The following ARFGEF1 variants were observed in gnomAD, a reference collection of about 807,000 sequenced individuals.
ARFGEF1 encodes the protein ARF guanine nucleotide exchange factor 1.
ARFGEF1 carries 42 observed loss-of-function variants against 231.0 expected under a neutral mutation model. That is an observed-to-expected ratio of 0.18 (90% CI 0.14 to 0.24). The LOEUF (loss-of-function observed/expected upper bound fraction) is 0.24. Among genes scored for constraint, ARFGEF1 ranks in the 10% least tolerant of loss-of-function variants. The pLI is 1.00. For missense variants in ARFGEF1, 1,345 were observed against 2,192.0 expected (o/e 0.61, Z 7.72); for synonymous variants, 710 against 732.3 (o/e 0.97, Z 0.49).
At chr8:67,250,073 G>A (rs1248660883) in intron 19 of ARFGEF1, among the ~76,000 whole-genome samples, 2 of 152,192 alleles carry the variant, frequency 1.3e-5, no homozygotes, top group African/African-American at 4.8e-5. Context: ...AGCATAGTAA[G>A]AAACAGAAGA....
At chr8:67,244,257 A>AC (rs1587122492) in intron 19 of ARFGEF1, among the ~76,000 whole-genome samples, 3 of 30,576 alleles carry the variant, frequency 9.8e-5, no homozygotes, top group African/African-American at 6.0e-4. Context: ...AAAAAAAAAA[A>AC]AAAAAAAAAA....
chr8:67,250,815 G>A (rs1312105304), intron 19 of ARFGEF1, among the ~76,000 whole-genome samples: 1 of 152,168 alleles, frequency 6.6e-6, no homozygotes, highest in African/African-American at 2.4e-5. Context: ...AAATTTTAAA[G>A]AATAAGTATC....
Position 67,211,569 on chromosome 8 carries a change from G to T in ARFGEF1, c.4733C>A (p.Pro1578Gln). The T allele has an allele frequency of 6.4e-7, 1 of 1,566,398 alleles. No individual in the cohort carries two copies. The highest frequency in any genetic ancestry group is 8.7e-7 in the Non-Finnish European group (1 of 1,153,850). The stretch of plus-strand genomic sequence containing the variant: ...TTGTGGTCTGTTATCCACAGACCTT[G>T]GTTGAATAGAATCATGAATATCTAC... Reference protein sequence around the residue: ...KSVDIHDSIQPRSVDNRPQAP... With the variant: ...KSVDIHDSIQQRSVDNRPQAP... Residue 1578 changes from proline to glutamine, a missense_variant, in exon 34 of 39, where the codon CCA becomes CAA. By Grantham distance (76) the Pro-to-Gln change is moderately conservative. Around this residue, in one of 14 missense-constraint regions of ARFGEF1, gnomAD observed 89 missense variants for 74.8 expected, o/e 1.19. Transcript: ENST00000262215.
intron 5 of ARFGEF1, among the ~76,000 whole-genome samples, chr8:67,181,030 G>T (rs1331259184): frequency 2.0e-5 from 3 of 147,628 alleles, no homozygotes; most frequent in Admixed American, 6.8e-5. Context: ...TCTCTTAATG[G>T]TTTTTTTTTT....
chr8:67,199,492 C>A (rs1838238068), intron 38 of ARFGEF1: 4 of 188,684 alleles, frequency 2.1e-5, no homozygotes, highest in South Asian at 1.1e-4. Flanking sequence ...CCCAACACTG[C>A]AATATAAAAT....
In ARFGEF1 at chr8:67,197,921, A is replaced by C. The variant is rs1838146488; in HGVS notation, c.*1013T>G. ...ATTTCCAGTAAATCTAACCTCCGCA[A>C]ACCATGCCAGATTTGTTATTTTAAT... is the stretch of plus-strand genomic sequence containing the variant. On this transcript the variant is annotated 3_prime_UTR_variant, in exon 39 of 39. Transcript: ENST00000262215. 1.0e-6 allele frequency: 1 copy of C among 985,754 alleles called. No homozygotes were observed. Among genetic ancestry groups the C allele is most frequent in the South Asian group, 4.7e-5 (1 of 21,292 alleles). 61.1% of individuals were successfully genotyped at this position (985,754 alleles called of 1,614,324 possible). A position where few individuals can be genotyped will look rare whatever the true frequency, so the allele number is the denominator to read the frequency against.
chr8:67,199,664 CATATT>C (rs953110024), intron 38 of ARFGEF1: 2 of 153,968 alleles, frequency 1.3e-5, no homozygotes, highest in Non-Finnish European at 2.9e-5. Flanking sequence ...AGCAGTGAGA[CATATT>C]ATGACCAAAA....
chr8:67,211,721 A>G, intron 33 of ARFGEF1, 106 bp from the exon 34 acceptor site: 1 of 636,452 alleles, frequency 1.6e-6, no homozygotes. Flanking sequence ...CCCTATGAAA[A>G]TGATGTTTTA....
intron 7 of ARFGEF1, 140 bp from the exon 8 acceptor site, chr8:67,277,597 G>A (rs985981656): frequency 2.5e-5 from 18 of 713,562 alleles, no homozygotes; most frequent in South Asian, 2.4e-4. Context: ...TTAAAGGTTA[G>A]CATACTTACT....
In ARFGEF1 at chr8:67,296,619, A is replaced by C. The variant is rs1806243837; in HGVS notation, c.460-9T>G. On this transcript the variant is annotated splice_polypyrimidine_tract_variant and intron_variant, in intron 4 of 38. Transcript: ENST00000262215. ...ACTGCAGTAAGTAAAGCCTTTAAGA[A>C]AAAAAAAGGAAAAAGTTAAAGAGAT... 1.9e-6 allele frequency: 3 copies of C among 1,564,244 alleles called. No individual in the cohort carries two copies. The highest frequency in any genetic ancestry group is 1.4e-5 in the African/African-American group (1 of 72,088).
intron 9 of ARFGEF1, among the ~76,000 whole-genome samples, chr8:67,273,419 CAAAAAAAAA>C (rs58580002): frequency 1.2e-4 from 7 of 56,614 alleles, no homozygotes; most frequent in East Asian, 5.8e-4. Context: ...TTTTTTTTCC[CAAAAAAAAA>C]AAAAAAAAAA....
At chr8:67,278,178 A>G (rs1236225234) in intron 7 of ARFGEF1, among the ~76,000 whole-genome samples, 2 of 152,218 alleles carry the variant, frequency 1.3e-5, no homozygotes, top group African/African-American at 4.8e-5. Flanking sequence ...CATGCTACCA[A>G]TTGAAAGAAA....
At chr8:67,318,564 T>C (rs183681963) in intron 1 of ARFGEF1, among the ~76,000 whole-genome samples, 6 of 152,236 alleles carry the variant, frequency 3.9e-5, no homozygotes, top group Non-Finnish European at 4.4e-5. Flanking sequence ...CCAAGAAATC[T>C]TGAAGAAGAA....
rs549432844 is a variant in ARFGEF1 at position 67,208,379 on chromosome 8, C to A, written c.4819+3104G>T. Among the ~76,000 whole-genome samples, 17 of 152,154 alleles carry A rather than the reference C, an allele frequency of 1.1e-4. 1 individual carries two copies. The highest frequency in any genetic ancestry group is 9.8e-4 in the Admixed American group (15 of 15,308). On this transcript the variant is annotated intron_variant, in intron 34 of 38. Transcript: ENST00000262215. ...GGCACAGTGGCTCACGCCTTTAATCCCAGCACTTTGGGAGGCCAGGCAGGT... is the reference window on the plus strand; with the variant it reads ...GGCACAGTGGCTCACGCCTTTAATCACAGCACTTTGGGAGGCCAGGCAGGT...
At chr8:67,292,670 T>C (rs1176940490) in intron 5 of ARFGEF1, among the ~76,000 whole-genome samples, 1 of 152,130 alleles carries the variant, frequency 6.6e-6, no homozygotes, top group Non-Finnish European at 1.5e-5. Flanking sequence ...AAAAACTATA[T>C]CTACAAATGT....
At chr8:67,270,205 G>A (rs1405907387) in intron 10 of ARFGEF1, among the ~76,000 whole-genome samples, 1 of 152,094 alleles carries the variant, frequency 6.6e-6, no homozygotes, top group Non-Finnish European at 1.5e-5. Context: ...TATCTTAACA[G>A]ACATATGGCA....
At chr8:67,272,086 AG>A in intron 9 of ARFGEF1, 150 bp from the exon 10 acceptor site, 2 of 597,854 alleles carry the variant, frequency 3.3e-6, no homozygotes, top group South Asian at 4.4e-5. Context: ...ACATAAAAAA[AG>A]TACAGTACAT....
At chr8:67,200,335 C>G in intron 38 of ARFGEF1, 61 bp downstream of exon 38, 1 of 1,218,016 alleles carries the variant, frequency 8.2e-7, no homozygotes, top group Non-Finnish European at 1.2e-6. Flanking sequence ...GCTCTGGGAC[C>G]CCGCATCCCA....
At chr8:67,329,230 A>G (rs1349458700) in intron 1 of ARFGEF1, among the ~76,000 whole-genome samples, 1 of 150,780 alleles carries the variant, frequency 6.6e-6, no homozygotes, top group Non-Finnish European at 1.5e-5. Flanking sequence ...ACAAAAAACA[A>G]AACAAAAAAA....
Sources: allele counts gnomAD v4.1 joint callset (sites outside exome capture counted in the v4.1 genomes callset), GRCh38; gene constraint gnomAD v4.1.1; regional missense constraint gnomAD v4.1.1; transcripts MANE v1.5; gene names NCBI Gene and HGNC (gene_info 2026-07-23, HGNC 2026-07-21).